The following LRP1B variants were observed in gnomAD, a reference collection of about 807,000 sequenced individuals.
LRP1B encodes the protein LDL receptor related protein 1B.
Under a neutral mutation model 556.6 loss-of-function variants are expected in LRP1B, and 217 were observed. The ratio of observed to expected loss-of-function variants is 0.39; its 90% CI spans 0.35 to 0.44. LRP1B has a LOEUF of 0.44. Among genes scored for constraint, LRP1B ranks in the 20% least tolerant of loss-of-function variants. The pLI is 1.00. For synonymous variants in LRP1B, 2,047 were observed against 1,865.8 expected (o/e 1.10, Z -2.50); for missense variants, 5,053 against 5,620.8 (o/e 0.90, Z 3.23).
At chr2:142,115,549 A>AT (rs1460357806) in intron 1 of LRP1B, among the ~76,000 whole-genome samples, 1,016 of 43,554 alleles carry the variant, frequency 0.023, 210 homozygotes, top group East Asian at 0.043. Context: ...TATGTAATAT[A>AT]TATATTATAT....
chr2:141,984,731 T>C (rs1039719593), intron 1 of LRP1B, among the ~76,000 whole-genome samples: 4 of 152,106 alleles, frequency 2.6e-5, no homozygotes, highest in African/African-American at 9.7e-5. Flanking sequence ...TAAAACATCG[T>C]CTTATTTTCT....
chr2:141,209,065 C>A (rs539656596), intron 6 of LRP1B, among the ~76,000 whole-genome samples: 10 of 152,066 alleles, frequency 6.6e-5, no homozygotes, highest in Non-Finnish European at 1.2e-4. Context: ...AGCACCTACA[C>A]AGAAACACAG....
intron 2 of LRP1B, among the ~76,000 whole-genome samples, chr2:141,614,568 T>C (rs1299653812): frequency 6.6e-6 from 1 of 152,126 alleles, no homozygotes; most frequent in African/African-American, 2.4e-5. Context: ...AAGAAGGAGA[T>C]TGAGACACAA....
chr2:141,365,938 G>A (rs1381128340), intron 3 of LRP1B, among the ~76,000 whole-genome samples: 1 of 152,038 alleles, frequency 6.6e-6, no homozygotes, highest in African/African-American at 2.4e-5. Flanking sequence ...CTCCCAAAGT[G>A]CCAGGATTAC....
chr2:140,701,117 T>TCTTCAACAGTCTAATTCTC (rs1553515918), intron 40 of LRP1B, among the ~76,000 whole-genome samples: 1 of 151,212 alleles, frequency 6.6e-6, no homozygotes, highest in Non-Finnish European at 1.5e-5. Flanking sequence ...ACTTAAAATT[T>TCTTCAACAGTCTAATTCTC]CTTCACCAGT....
chr2:142,062,974 G>GA (rs1261606543), intron 1 of LRP1B, among the ~76,000 whole-genome samples: 2 of 132,032 alleles, frequency 1.5e-5, no homozygotes, highest in Non-Finnish European at 3.2e-5. Flanking sequence ...AGCATTACCT[G>GA]AAAAAAAGCT....
intron 32 of LRP1B, among the ~76,000 whole-genome samples, chr2:140,789,617 A>ATTTTTTTTT (rs1690035095): frequency 2.3e-5 from 2 of 85,202 alleles, no homozygotes; most frequent in Admixed American, 1.2e-4. Context: ...AGCTTTAAGG[A>ATTTTTTTTT]CTTTTTTTTT....
At chr2:140,639,090 C>T (rs1684180382) in intron 41 of LRP1B, among the ~76,000 whole-genome samples, 1 of 152,016 alleles carries the variant, frequency 6.6e-6, no homozygotes, top group African/African-American at 2.4e-5. Flanking sequence ...TCTTGAGAGG[C>T]ATTTTGGTTA....
chr2:140,662,509 T>A (rs981497859), intron 41 of LRP1B, among the ~76,000 whole-genome samples: 1 of 151,988 alleles, frequency 6.6e-6, no homozygotes, highest in East Asian at 1.9e-4. Flanking sequence ...GATGAAAAAA[T>A]TTTAAATGTA....
intron 3 of LRP1B, among the ~76,000 whole-genome samples, chr2:141,435,795 C>T (rs907992364): frequency 1.3e-5 from 2 of 152,188 alleles, no homozygotes; most frequent in African/African-American, 4.8e-5. Context: ...AGCTTCTGTA[C>T]TATGAGTGTG....
At position 140,386,085 on chromosome 2, in the gene LRP1B, C is replaced by T. The variant is rs1351176139; in HGVS notation, c.10415-76G>A. ...CCTCACAACGTCCTCACTGCCATGC[C>T]AAATCCATGGCATATAATGTTTCCT... On this transcript the variant is annotated intron_variant, in intron 66 of 90. Coordinates refer to ENST00000389484, the MANE Select transcript of LRP1B (RefSeq NM_018557.3). 5 of 836,676 alleles carry T rather than the reference C, an allele frequency of 6.0e-6. No homozygotes were observed. The African/African-American group carries it at 6.8e-5, about 11-fold the overall frequency. The allele number at this position is 836,676 out of a possible 1,614,324, so 51.8% of individuals were successfully genotyped here.
intron 2 of LRP1B, among the ~76,000 whole-genome samples, chr2:141,782,321 A>G (rs1276558587): frequency 6.6e-6 from 1 of 152,008 alleles, no homozygotes; most frequent in Non-Finnish European, 1.5e-5. Context: ...AGTAATAGTA[A>G]TGGATTTTAC....
Position 141,514,608 on chromosome 2 carries a change from G to A in LRP1B, c.206-34075C>T, listed in dbSNP as rs547376831. Among the ~76,000 whole-genome samples, 70 of 152,160 alleles carry A rather than the reference G, an allele frequency of 4.6e-4. No homozygotes were observed. The South Asian group carries it at 0.013, about 29-fold the overall frequency. On this transcript the variant is annotated intron_variant, in intron 2 of 90. Transcript: ENST00000389484. ...CGGTACATGCAAGTACAGATGTTCC[G>A]AAAATTATGATAAGGTTATATCCCA...
intron 1 of LRP1B, among the ~76,000 whole-genome samples, chr2:142,033,321 G>T (rs183557699): frequency 6.6e-6 from 1 of 151,402 alleles, no homozygotes; most frequent in Non-Finnish European, 1.5e-5. Context: ...CATTCTAGAC[G>T]TCTATCTTTA....
In LRP1B at chr2:141,702,844, T is replaced by G. The variant is rs921183364; in HGVS notation, c.205+107435A>C. 2.6e-5 allele frequency among the ~76,000 whole-genome samples: 4 copies of G among 151,888 alleles called. No individual in the cohort carries two copies. The East Asian group carries it at 5.8e-4, about 22-fold the overall frequency. On this transcript the variant is annotated intron_variant, in intron 2 of 90. Coordinates refer to ENST00000389484, the MANE Select transcript of LRP1B (RefSeq NM_018557.3). The stretch of plus-strand genomic sequence containing the variant: ...AGGTTGAAAGTAAACTACTTGAGCT[T>G]CTTTCTAATTTTAGCTGATTCAAAT...
chr2:141,303,084 C>T (rs1036544576), intron 3 of LRP1B, among the ~76,000 whole-genome samples: 5 of 151,946 alleles, frequency 3.3e-5, no homozygotes, highest in African/African-American at 1.2e-4. Flanking sequence ...TACCCATATG[C>T]TAATTGGAGA....
intron 3 of LRP1B, among the ~76,000 whole-genome samples, chr2:141,314,722 C>CA (rs1431356730): frequency 6.7e-6 from 1 of 148,798 alleles, no homozygotes; most frequent in Non-Finnish European, 1.5e-5. Context: ...ACCCGGGAGA[C>CA]AGAGTTTGCA....
intron 1 of LRP1B, among the ~76,000 whole-genome samples, chr2:141,854,180 T>C (rs1214626551): frequency 7.2e-5 from 11 of 152,144 alleles, no homozygotes; most frequent in Non-Finnish European, 4.4e-5. Context: ...CTGACATTTA[T>C]AATATAAACA....
At chr2:142,032,120 G>T (rs1703732541) in intron 1 of LRP1B, among the ~76,000 whole-genome samples, 1 of 151,772 alleles carries the variant, frequency 6.6e-6, no homozygotes, top group African/African-American at 2.4e-5. Flanking sequence ...AGTGATACTT[G>T]GTTACAGTGG....
Sources: gnomAD v4.1 joint callset for allele counts (sites outside exome capture counted in the v4.1 genomes callset) on GRCh38, gnomAD v4.1.1 for gene constraint, MANE v1.5 for transcripts, NCBI Gene and HGNC (gene_info 2026-07-23, HGNC 2026-07-21) for gene names.